ATG4C: variants seen among roughly 807,000 people sequenced by gnomAD.
ATG4C encodes the protein cysteine protease ATG4C.
In ATG4C, 56 loss-of-function variants were observed where a neutral mutation model predicts 57.6. The ratio of observed to expected loss-of-function variants is 0.97; its 90% CI spans 0.78 to 1.21. ATG4C has a LOEUF of 1.21. Among genes scored for constraint, ATG4C ranks in the 50% most tolerant of loss-of-function variants. ATG4C has a pLI of 0.00. For missense variants in ATG4C, 595 were observed against 529.8 expected, an observed-to-expected ratio of 1.12 and a Z score of -1.21; for synonymous variants, 157 against 174.1, an observed-to-expected ratio of 0.90 and a Z score of 0.78.
chr1:62,801,951 C>CT (rs1664684110), intron 1 of ATG4C, among the ~76,000 whole-genome samples: 1 of 89,896 alleles, frequency 1.1e-5, no homozygotes, highest in East Asian at 3.3e-4. Context: ...GAGCAAGACT[C>CT]TGTCTCCAAA....
intron 1 of ATG4C, among the ~76,000 whole-genome samples, chr1:62,791,809 T>C (rs1035445217): frequency 6.6e-6 from 1 of 152,204 alleles, no homozygotes; most frequent in Non-Finnish European, 1.5e-5. Context: ...TTAAACTGAA[T>C]TTCCTATCTT....
rs1157896213 is a variant in ATG4C, at chr1:62,865,197, T to G, written c.*1038T>G. 2 of 151,992 alleles carry G rather than the reference T, an allele frequency of 1.3e-5. No homozygotes were observed. Among genetic ancestry groups the G allele is most frequent in the Non-Finnish European group, 2.9e-5 (2 of 67,840 alleles). The allele number at this position is 151,992 out of a possible 1,614,324, so 9.4% of individuals were successfully genotyped here. ...TTTAATGTTGGGATTATTTTAATCC[T>G]TTCATTTGAAAAATCAGTGTCTCAA... On this transcript the variant is annotated 3_prime_UTR_variant, in exon 11 of 11. Transcript: ENST00000317868.
At chr1:62,816,495 T>C (rs999841001) in intron 3 of ATG4C, 80 bp from the exon 4 acceptor site, 2 of 975,558 alleles carry the variant, frequency 2.1e-6, no homozygotes, top group Non-Finnish European at 3.0e-6. Context: ...ATACTTCACA[T>C]CTTAAGACAG....
At chr1:62,801,632 T>C (rs565407241) in intron 1 of ATG4C, among the ~76,000 whole-genome samples, 2 of 150,096 alleles carry the variant, frequency 1.3e-5, no homozygotes, top group Non-Finnish European at 3.0e-5. Context: ...TACTCCAGCC[T>C]GGGAGACAGA....
intron 10 of ATG4C, among the ~76,000 whole-genome samples, chr1:62,844,140 G>T (rs1666257580): frequency 9.2e-6 from 1 of 108,720 alleles, no homozygotes; most frequent in Non-Finnish European, 1.8e-5. Context: ...TTCATATTAG[G>T]CAGGGTTTCT....
chr1:62,849,347 T>C (rs1427225874), intron 10 of ATG4C, among the ~76,000 whole-genome samples: 6 of 152,194 alleles, frequency 3.9e-5, no homozygotes, highest in Non-Finnish European at 8.8e-5. Flanking sequence ...TAGAATTCCA[T>C]GTTAACAGTT....
intron 5 of ATG4C, among the ~76,000 whole-genome samples, 187 bp from the exon 6 acceptor site, chr1:62,820,952 A>G (rs948669673): frequency 6.6e-6 from 1 of 152,082 alleles, no homozygotes; most frequent in Non-Finnish European, 1.5e-5. Context: ...AATTTAATGT[A>G]ATATTCAACT....
At position 62,850,860 on chromosome 1, in the gene ATG4C, A is replaced by ATGTG. The variant is rs1333605849; in HGVS notation, c.1209+9314_1209+9315insGTGT. Among the ~76,000 whole-genome samples, 91 of 50,694 alleles carry ATGTG rather than the reference A, an allele frequency of 1.8e-3. 1 individual carries two copies. Among genetic ancestry groups the ATGTG allele is most frequent in the African/African-American group, 9.4e-3 (83 of 8,790 alleles). The allele number at this position is 50,694 out of a possible 152,430, so 33.3% of individuals were successfully genotyped here. A position where few individuals can be genotyped will look rare whatever the true frequency, so the allele number is the denominator to read the frequency against. ...TGTATGTGTGTGTATGTATGTATAT[A>ATGTG]TATATATATATATATATATATATAT... On this transcript the variant is annotated intron_variant, in intron 10 of 10. Coordinates refer to ENST00000317868, the MANE Select transcript of ATG4C (RefSeq NM_032852.4).
intron 1 of ATG4C, among the ~76,000 whole-genome samples, chr1:62,787,526 T>C (rs1664132574): frequency 6.6e-6 from 1 of 152,194 alleles, no homozygotes. Context: ...AAATGCTTCA[T>C]TCATGTAATT....
At chr1:62,835,897 C>T (rs1390103747) in intron 9 of ATG4C, among the ~76,000 whole-genome samples, 1 of 151,986 alleles carries the variant, frequency 6.6e-6, no homozygotes, top group Non-Finnish European at 1.5e-5. Flanking sequence ...TCTCTTTCTG[C>T]CTTGTGGTCT....
intron 4 of ATG4C, among the ~76,000 whole-genome samples, chr1:62,818,751 C>T (rs1300896777): frequency 6.6e-6 from 1 of 151,944 alleles, no homozygotes; most frequent in Non-Finnish European, 1.5e-5. Flanking sequence ...TATAGAGTTC[C>T]ACAATCATCA....
chr1:62,850,369 G>T (rs1014171871), intron 10 of ATG4C, among the ~76,000 whole-genome samples: 1 of 152,130 alleles, frequency 6.6e-6, no homozygotes, highest in Non-Finnish European at 1.5e-5. Context: ...CTACAGTCTA[G>T]AATCAACATA....
intron 9 of ATG4C, among the ~76,000 whole-genome samples, chr1:62,837,951 C>T (rs182823377): frequency 2.2e-4 from 33 of 152,208 alleles, no homozygotes; most frequent in Admixed American, 1.1e-3. Flanking sequence ...CCACCATACC[C>T]GGTTAATTAT....
In ATG4C at chr1:62,865,479, T is replaced by G. The variant is rs1257001637; in HGVS notation, c.*1320T>G. 3 of 151,938 alleles carry G rather than the reference T, an allele frequency of 2.0e-5. No homozygotes were observed. The highest frequency in any genetic ancestry group is 7.2e-5 in the African/African-American group (3 of 41,434). The allele number at this position is 151,938 out of a possible 1,614,324, so 9.4% of individuals were successfully genotyped here. ...AGGTTTGACATTTCTCAGTGAAGAT[T>G]ACTTACTGAGTTGAAATAAATAGTC... is the stretch of plus-strand genomic sequence containing the variant. On this transcript the variant is annotated 3_prime_UTR_variant, in exon 11 of 11. Transcript: ENST00000317868.
intron 10 of ATG4C, among the ~76,000 whole-genome samples, chr1:62,850,812 T>A (rs1666481947): frequency 6.9e-6 from 1 of 145,930 alleles, no homozygotes; most frequent in Non-Finnish European, 1.5e-5. Context: ...CACATATACG[T>A]ATATATTCTG....
At chr1:62,801,228 AAAAC>A (rs1449039094) in intron 1 of ATG4C, among the ~76,000 whole-genome samples, 2 of 152,202 alleles carry the variant, frequency 1.3e-5, no homozygotes, top group African/African-American at 4.8e-5. Context: ...ATAAACAAAA[AAAAC>A]AGAGTCCTTG....
chr1:62,801,970 A>AG (rs1664688650), intron 1 of ATG4C, among the ~76,000 whole-genome samples: 1 of 146,200 alleles, frequency 6.8e-6, no homozygotes, highest in African/African-American at 2.5e-5. Flanking sequence ...AAAAAAAAAA[A>AG]AAAAAAAAAA....
At chr1:62,805,481 A>G (rs1351081421) in intron 3 of ATG4C, among the ~76,000 whole-genome samples, 2 of 152,074 alleles carry the variant, frequency 1.3e-5, no homozygotes, top group African/African-American at 2.4e-5. Context: ...GACTTATAGT[A>G]TGAGTACTAA....
intron 10 of ATG4C, among the ~76,000 whole-genome samples, chr1:62,859,604 T>C (rs1666788408): frequency 6.6e-6 from 1 of 152,214 alleles, no homozygotes; most frequent in African/African-American, 2.4e-5. Context: ...TACTGTACAC[T>C]ACAATAGACT....
Sources: gnomAD v4.1 joint callset for allele counts (sites outside exome capture counted in the v4.1 genomes callset) on GRCh38, gnomAD v4.1.1 for gene constraint, MANE v1.5 for transcripts, NCBI Gene and HGNC (gene_info 2026-07-23, HGNC 2026-07-21) for gene names.